The following ST18 variants were observed in gnomAD, a reference collection of about 807,000 sequenced individuals.
ST18 encodes ST18 C2H2C-type zinc finger transcription factor.
In ST18, 50 loss-of-function variants were observed where a neutral mutation model predicts 110.0. The observed-to-expected ratio is 0.45, with a 90% CI of 0.36 to 0.58. ST18 has a LOEUF of 0.58. ST18 is among the 20% of genes least tolerant of loss of function. The probability of loss-of-function intolerance (pLI) is 0.00; values close to 1 mark genes in which losing one functional copy is unlikely to be tolerated. For missense variants in ST18, 1,306 were observed against 1,280.1 expected, an observed-to-expected ratio of 1.02 and a Z score of -0.31; for synonymous variants, 461 against 452.4, an observed-to-expected ratio of 1.02 and a Z score of -0.24.
chr8:52,386,579 G>A (rs1836868253), intron 2 of ST18, among the ~76,000 whole-genome samples: 1 of 152,050 alleles, frequency 6.6e-6, no homozygotes, highest in African/African-American at 2.4e-5. Flanking sequence ...ATAAAGCAAT[G>A]TTACTCTTGA....
chr8:52,347,187 ATAAG>A (rs942421756), intron 2 of ST18, among the ~76,000 whole-genome samples: 4 of 152,236 alleles, frequency 2.6e-5, no homozygotes, highest in African/African-American at 9.6e-5. Flanking sequence ...GTAAGAAATA[ATAAG>A]TAAGAAGTAA....
At chr8:52,270,072 C>T (rs2095023583) in intron 2 of ST18, among the ~76,000 whole-genome samples, 1 of 152,020 alleles carries the variant, frequency 6.6e-6, no homozygotes, top group African/African-American at 2.4e-5. Flanking sequence ...TAATATTTTT[C>T]TAGAGAAAAT....
chr8:52,130,159 GAAAGAA>G (rs1362763273), intron 22 of ST18, among the ~76,000 whole-genome samples: 12 of 148,570 alleles, frequency 8.1e-5, no homozygotes, highest in South Asian at 2.1e-4. Flanking sequence ...AAGAAAGAAA[GAAAGAA>G]AAAGAAAAGA....
intron 2 of ST18, chr8:52,403,844 A>T (rs1421373669): frequency 1.3e-5 from 2 of 152,216 alleles, no homozygotes; most frequent in East Asian, 3.9e-4. Flanking sequence ...CAGCAAAATT[A>T]ATCATGCCTT....
At chr8:52,336,494 G>C (rs1194162524) in intron 2 of ST18, among the ~76,000 whole-genome samples, 1 of 152,162 alleles carries the variant, frequency 6.6e-6, no homozygotes, top group East Asian at 1.9e-4. Flanking sequence ...AATTCACAGA[G>C]CCATCTCAGG....
At chr8:52,253,395 C>T (rs2094410112) in intron 2 of ST18, among the ~76,000 whole-genome samples, 1 of 151,950 alleles carries the variant, frequency 6.6e-6, no homozygotes. Flanking sequence ...ATTCTTCAGC[C>T]CTTCTGGTAT....
chr8:52,176,926 T>C (rs1056583537), intron 9 of ST18, among the ~76,000 whole-genome samples: 8 of 152,234 alleles, frequency 5.3e-5, no homozygotes, highest in Admixed American at 2.0e-4. Context: ...AATAAAAGCC[T>C]TGGAAAAATG....
intron 2 of ST18, among the ~76,000 whole-genome samples, chr8:52,370,360 ATG>A (rs1491243856): frequency 6.7e-6 from 1 of 149,818 alleles, no homozygotes; most frequent in East Asian, 1.9e-4. Context: ...ACATGTGTGC[ATG>A]TGTGTGTGTG....
chr8:52,367,128 A>G (rs982211022), intron 2 of ST18, among the ~76,000 whole-genome samples: 16 of 152,042 alleles, frequency 1.1e-4, no homozygotes, highest in African/African-American at 3.6e-4. Flanking sequence ...GCAGCTCGGG[A>G]GGCTGAGGCA....
chr8:52,257,884 T>C (rs1187968356), intron 2 of ST18, among the ~76,000 whole-genome samples: 1 of 152,220 alleles, frequency 6.6e-6, no homozygotes, highest in African/African-American at 2.4e-5. Context: ...TTACATCTGT[T>C]TTCTTCCAAG....
At chr8:52,343,512 G>C (rs1816198415) in intron 2 of ST18, among the ~76,000 whole-genome samples, 1 of 152,146 alleles carries the variant, frequency 6.6e-6, no homozygotes, top group Admixed American at 6.5e-5. Context: ...CTTTATAAAA[G>C]TTCCATTAGT....
intron 2 of ST18, among the ~76,000 whole-genome samples, chr8:52,347,431 G>A (rs1455559711): frequency 6.6e-6 from 1 of 152,124 alleles, no homozygotes; most frequent in Non-Finnish European, 1.5e-5. Context: ...AGAGAATGGC[G>A]TTATTGATAT....
intron 2 of ST18, among the ~76,000 whole-genome samples, chr8:52,268,365 C>A (rs763005508): frequency 3.2e-4 from 49 of 152,176 alleles, no homozygotes; most frequent in Non-Finnish European, 6.9e-4. Context: ...GGAAGAGCTC[C>A]TTCCCAACAT....
intron 10 of ST18, among the ~76,000 whole-genome samples, chr8:52,170,006 A>C (rs1430997511): frequency 6.6e-6 from 1 of 152,266 alleles, no homozygotes; most frequent in Non-Finnish European, 1.5e-5. Flanking sequence ...TCTAAGGATC[A>C]TCAAATACTT....
chr8:52,361,856 C>G (rs1825877789), intron 2 of ST18, among the ~76,000 whole-genome samples: 2 of 151,992 alleles, frequency 1.3e-5, no homozygotes, highest in African/African-American at 4.8e-5. Context: ...GGGATCAGAT[C>G]TTTATTTCCA....
At chr8:52,204,252 G>C (rs184983196) in intron 8 of ST18, among the ~76,000 whole-genome samples, 86 of 152,270 alleles carry the variant, frequency 5.6e-4, no homozygotes, top group African/African-American at 1.9e-3. Context: ...AAATACCAAA[G>C]AAACCCAGAT....
intron 2 of ST18, among the ~76,000 whole-genome samples, chr8:52,294,111 G>C (rs1259630507): frequency 1.3e-5 from 2 of 152,230 alleles, no homozygotes; most frequent in Non-Finnish European, 2.9e-5. Context: ...TTTCAGTGCA[G>C]TGCTAATGGG....
chr8:52,269,586 C>A (rs937081373), intron 2 of ST18, among the ~76,000 whole-genome samples: 4 of 152,150 alleles, frequency 2.6e-5, no homozygotes, highest in Admixed American at 1.3e-4. Context: ...GGTCTTTGGG[C>A]AAATTAGAGT....
At chr8:52,238,195 C>T (rs1229676084) in intron 2 of ST18, among the ~76,000 whole-genome samples, 1 of 152,102 alleles carries the variant, frequency 6.6e-6, no homozygotes, top group Non-Finnish European at 1.5e-5. Context: ...TATAATCCAA[C>T]AATTTGACTT....
Sources: gnomAD v4.1 joint callset for allele counts (sites outside exome capture counted in the v4.1 genomes callset) on GRCh38, gnomAD v4.1.1 for gene constraint, MANE v1.5 for transcripts, NCBI Gene and HGNC (gene_info 2026-07-23, HGNC 2026-07-21) for gene names.